Variants in HSH2D observed in about 807,000 individuals in gnomAD.
HSH2D encodes hematopoietic SH2 domain containing.
Under a neutral mutation model 21.5 loss-of-function variants are expected in HSH2D, and 16 were observed. The observed-to-expected ratio is 0.74, with a 90% CI of 0.50 to 1.13. HSH2D has a LOEUF of 1.13. Among genes scored for constraint, HSH2D ranks in the 50% most tolerant of loss-of-function variants. The pLI is 0.00. For missense variants in HSH2D, 418 were observed against 441.4 expected (o/e 0.95, Z 0.47); for synonymous variants, 172 against 184.7 (o/e 0.93, Z 0.56).
chr19:16,144,322 G>A (rs975477454), intron 1 of HSH2D, among the ~76,000 whole-genome samples: 2 of 151,944 alleles, frequency 1.3e-5, no homozygotes, highest in Admixed American at 1.3e-4. Flanking sequence ...GAACAGGGGG[G>A]AACGTTGGGG....
chr19:16,156,811 A>G (rs994809053), intron 5 of HSH2D, among the ~76,000 whole-genome samples: 3 of 152,130 alleles, frequency 2.0e-5, no homozygotes, highest in Non-Finnish European at 4.4e-5. Flanking sequence ...AACATGGTGA[A>G]ACCATGTCTC....
chr19:16,138,760 C>T (rs2090980600), upstream of HSH2D, among the ~76,000 whole-genome samples: 1 of 151,990 alleles, frequency 6.6e-6, no homozygotes, highest in African/African-American at 2.4e-5. Context: ...CCAGCCTGCC[C>T]TTGCTATTTT....
In HSH2D at chr19:16,154,389, C is replaced by T. The variant is rs918938694; in HGVS notation, c.382-10C>T. Reference sequence around the variant, plus strand: ...CTAGTGCTGAGCTACAGGCCCCTTCCGCCCTGCAGAAGGATCCCGCAAACG... The same window carrying T: ...CTAGTGCTGAGCTACAGGCCCCTTCTGCCCTGCAGAAGGATCCCGCAAACG... On this transcript the variant is annotated splice_polypyrimidine_tract_variant and intron_variant, in intron 4 of 5. Coordinates refer to ENST00000613986, the MANE Select transcript of HSH2D (RefSeq NM_001382417.1). The T allele has an allele frequency of 2.7e-5, 42 of 1,540,638 alleles. No individual in the cohort carries two copies. In the East Asian group the frequency reaches 3.4e-4, roughly 13 times the overall value.
At position 16,145,992 on chromosome 19, in the gene HSH2D, C is replaced by A. The variant is rs369388972; in HGVS notation, c.-28+2218C>A. On this transcript the variant is annotated intron_variant, in intron 1 of 5. Transcript: ENST00000613986. The stretch of plus-strand genomic sequence containing the variant: ...TCAAGAGGCTAAGGCAGGAGAATCA[C>A]TTGAACCTGGGAGGCGGAAGTTGCA... Among the ~76,000 whole-genome samples the A allele has an allele frequency of 4.6e-5, 7 of 151,152 alleles. No homozygotes were observed. In the East Asian group the frequency reaches 9.7e-4, roughly 21 times the overall value.
intron 5 of HSH2D, among the ~76,000 whole-genome samples, chr19:16,156,664 T>A (rs1291306009): frequency 6.6e-6 from 1 of 152,106 alleles, no homozygotes; most frequent in African/African-American, 2.4e-5. Context: ...CCTGCAAAGT[T>A]GAAATATTTA....
exon 1 of HSH2D, chr19:16,134,211 C>G (rs1448874479): frequency 1.3e-5 from 2 of 152,214 alleles, no homozygotes; most frequent in African/African-American, 2.4e-5. Context: ...TGCTTAACTC[C>G]CCCAACAATG....
At chr19:16,146,991 A>T (rs1397788318) in intron 1 of HSH2D, among the ~76,000 whole-genome samples, 1 of 151,442 alleles carries the variant, frequency 6.6e-6, no homozygotes, top group Admixed American at 6.6e-5. Context: ...TCATCTGGCT[A>T]ATTTTTGTAT....
At chr19:16,156,031 A>G (rs533044186) in intron 5 of HSH2D, among the ~76,000 whole-genome samples, 1 of 152,052 alleles carries the variant, frequency 6.6e-6, no homozygotes, top group African/African-American at 2.4e-5. Context: ...GGTGGGAGGG[A>G]CAAAAATGAG....
chr19:16,147,347 G>A (rs1321118643), intron 1 of HSH2D, among the ~76,000 whole-genome samples: 2 of 151,496 alleles, frequency 1.3e-5, no homozygotes, highest in Non-Finnish European at 1.5e-5. Context: ...AGCCAGGCGT[G>A]GTGGCACATG....
At chr19:16,135,865 G>A (rs1293102507) in intron 1 of HSH2D, among the ~76,000 whole-genome samples, 3 of 150,138 alleles carry the variant, frequency 2.0e-5, no homozygotes, top group African/African-American at 7.3e-5. Context: ...CTTCTGTAGT[G>A]TGCTTGTGTG....
At chr19:16,137,737 A>G (rs1020212905) in intron 1 of HSH2D, among the ~76,000 whole-genome samples, 3 of 151,920 alleles carry the variant, frequency 2.0e-5, no homozygotes, top group African/African-American at 7.3e-5. Flanking sequence ...GCATACCACC[A>G]CACCCAACTA....
At chr19:16,136,112 C>T (rs979220720) in intron 1 of HSH2D, among the ~76,000 whole-genome samples, 6 of 152,170 alleles carry the variant, frequency 3.9e-5, no homozygotes, top group Non-Finnish European at 7.4e-5. Flanking sequence ...CCTGGCTTAG[C>T]TCCCATCAAA....
At position 16,137,353 on chromosome 19, in the gene HSH2D, C is replaced by T. The variant is rs981279819; in HGVS notation, c.-324+3118C>T. On this transcript the variant is annotated intron_variant, in intron 1 of 7. Transcript: ENST00000616645. ...TTTAAAGCAGGGTCATCCGGCCGGG[C>T]GCGGTAGCTCACACCTATAATCCCA... Among the ~76,000 whole-genome samples the T allele has an allele frequency of 3.9e-5, 6 of 152,012 alleles. 1 individual carries two copies. Among genetic ancestry groups the T allele is most frequent in the Admixed American group, 1.3e-4 (2 of 15,240 alleles).
chr19:16,144,084 G>C (rs1397160487), intron 1 of HSH2D, among the ~76,000 whole-genome samples: 3 of 152,082 alleles, frequency 2.0e-5, no homozygotes, highest in Admixed American at 2.0e-4. Flanking sequence ...CCCAGGCCAG[G>C]GTCAGGAGCT....
At chr19:16,148,030 C>G (rs1033391380) in intron 1 of HSH2D, among the ~76,000 whole-genome samples, 7 of 152,218 alleles carry the variant, frequency 4.6e-5, no homozygotes, top group Non-Finnish European at 8.8e-5. Flanking sequence ...ACAACCACAG[C>G]TCACTGCAGC....
At position 16,157,180 on chromosome 19, in the gene HSH2D, G is replaced by GC. The variant is rs1241358541; in HGVS notation, c.475-26dup. 6.7e-7 allele frequency: 1 copy of GC among 1,502,498 alleles called. No individual in the cohort carries two copies. The highest frequency in any genetic ancestry group is 2.3e-5 in the Admixed American group (1 of 43,736). The allele number at this position is 1,502,498 out of a possible 1,614,324, so 93.1% of individuals were successfully genotyped here. On this transcript the variant is annotated intron_variant, in intron 5 of 5. Transcript: ENST00000613986. This position sits in a 1 kb window ranked among gnomAD's most constrained non-coding sequence, Gnocchi z 4.4. The stretch of plus-strand genomic sequence containing the variant: ...GACATGGTGCTCTGGTGGGCAAGCT[G>GC]CCCCAGGCCTCCCCTACTCTCATTT...
chr19:16,145,614 C>G (rs897167842), intron 1 of HSH2D, among the ~76,000 whole-genome samples: 1 of 152,092 alleles, frequency 6.6e-6, no homozygotes, highest in Admixed American at 6.6e-5. Flanking sequence ...CAGGCCATAC[C>G]CCAGAGGGTA....
At chr19:16,147,628 G>T (rs187816577) in intron 1 of HSH2D, among the ~76,000 whole-genome samples, 2,918 of 148,038 alleles carry the variant, frequency 0.02, 93 homozygotes, top group African/African-American at 0.069. Flanking sequence ...CAAGCCAGTG[G>T]TTTTTTTTTT....
At chr19:16,141,041 G>C (rs1225916254), upstream of HSH2D, among the ~76,000 whole-genome samples, 1 of 152,208 alleles carries the variant, frequency 6.6e-6, no homozygotes, top group Non-Finnish European at 1.5e-5. Context: ...AAAGAGTCCT[G>C]ATTCTCTCAC....
Sources: gnomAD v4.1 joint callset for allele counts (sites outside exome capture counted in the v4.1 genomes callset) on GRCh38, gnomAD v4.1.1 for gene constraint, Gnocchi (gnomAD v3.1) non-coding constraint, MANE v1.5 for transcripts, NCBI Gene and HGNC (gene_info 2026-07-23, HGNC 2026-07-21) for gene names.